The following DRC11 variants were observed in gnomAD, a reference collection of about 807,000 sequenced individuals.
DRC11 encodes IQ and AAA domain-containing protein 1.
At chr2:236,341,216 A>G in the DRC11 span, among the ~76,000 whole-genome samples, 4 of 152,246 alleles carry the variant, frequency 2.6e-5, no homozygotes, top group African/African-American at 9.6e-5. Flanking sequence ...GATGTCAGGG[A>G]GGCGCTTGCT....
the DRC11 span, among the ~76,000 whole-genome samples, chr2:236,476,498 T>A: frequency 6.6e-6 from 1 of 152,194 alleles, no homozygotes; most frequent in Non-Finnish European, 1.5e-5. This position sits in a 1 kb window ranked among gnomAD's most constrained non-coding sequence, Gnocchi z 4.7. Context: ...TAAGATCACA[T>A]CATCTGCAAA....
the DRC11 span, among the ~76,000 whole-genome samples, chr2:236,396,962 G>A: frequency 7.2e-5 from 11 of 152,250 alleles, no homozygotes; most frequent in East Asian, 9.7e-4. Context: ...GGGTGGGCGC[G>A]GGCAGAGGGG....
chr2:236,419,944 G>C, the DRC11 span, among the ~76,000 whole-genome samples: 73 of 152,294 alleles, frequency 4.8e-4, no homozygotes, highest in Non-Finnish European at 8.7e-4. This position sits in a 1 kb window ranked among gnomAD's most constrained non-coding sequence, Gnocchi z 4.8. Flanking sequence ...AATTCCAGGA[G>C]ATATAAAGGT....
At chr2:236,422,376 T>C in the DRC11 span, among the ~76,000 whole-genome samples, 1 of 152,196 alleles carries the variant, frequency 6.6e-6, no homozygotes, top group African/African-American at 2.4e-5. Context: ...ACAAAATCAA[T>C]GTGCAAAAAT....
chr2:236,345,893 T>C, the DRC11 span, among the ~76,000 whole-genome samples: 4 of 152,226 alleles, frequency 2.6e-5, no homozygotes, highest in African/African-American at 7.2e-5. Flanking sequence ...CAGTGAGTGA[T>C]GGAAAAATCG....
chr2:236,346,421 C>T, the DRC11 span, among the ~76,000 whole-genome samples: 1 of 152,212 alleles, frequency 6.6e-6, no homozygotes, highest in Non-Finnish European at 1.5e-5. Context: ...CTGAGGCTTG[C>T]AGACATTAAT....
the DRC11 span, among the ~76,000 whole-genome samples, chr2:236,480,558 C>T: frequency 1.3e-5 from 2 of 152,124 alleles, no homozygotes; most frequent in African/African-American, 4.8e-5. Flanking sequence ...TTACCAGTTC[C>T]AGGATTTGAT....
the DRC11 span, among the ~76,000 whole-genome samples, chr2:236,493,526 A>G: frequency 2.0e-5 from 3 of 152,348 alleles, no homozygotes; most frequent in South Asian, 6.2e-4. Flanking sequence ...ATACTGATTT[A>G]AGTAGCATAT....
the DRC11 span, chr2:236,493,702 TAGG>T: frequency 7.6e-7 from 1 of 1,307,754 alleles, no homozygotes; most frequent in Non-Finnish European, 1.0e-6. Flanking sequence ...CTCACACAAT[TAGG>T]AGCAGCAGAA....
the DRC11 span, chr2:236,338,318 C>T: frequency 5.3e-5 from 85 of 1,613,734 alleles, no homozygotes; most frequent in Non-Finnish European, 6.9e-5. Context: ...AATCAGAATC[C>T]GGTCATCTGG....
chr2:236,486,676 TG>T, the DRC11 span, among the ~76,000 whole-genome samples: 1 of 152,218 alleles, frequency 6.6e-6, no homozygotes, highest in African/African-American at 2.4e-5. The surrounding 1 kb of genome is among the most constrained non-coding windows in gnomAD (Gnocchi z 5.7). Context: ...CAGATCTCCC[TG>T]GGCAGGCTTC....
the DRC11 span, among the ~76,000 whole-genome samples, chr2:236,325,793 G>C: frequency 6.6e-6 from 1 of 152,104 alleles, no homozygotes; most frequent in South Asian, 2.1e-4. This position sits in a 1 kb window ranked among gnomAD's most constrained non-coding sequence, Gnocchi z 4.4. Flanking sequence ...AGTAGAGACG[G>C]GGTTTCACCA....
the DRC11 span, among the ~76,000 whole-genome samples, chr2:236,321,878 AACTTCAC>A: frequency 5.3e-5 from 8 of 152,184 alleles, no homozygotes; most frequent in Admixed American, 5.2e-4. Flanking sequence ...GGTAACCACC[AACTTCAC>A]ACTCATACAA....
the DRC11 span, among the ~76,000 whole-genome samples, chr2:236,320,701 G>T: frequency 5.9e-5 from 9 of 152,126 alleles, no homozygotes; most frequent in Non-Finnish European, 1.2e-4. Context: ...AGGGTTAAAG[G>T]TATTAATTAC....
chr2:236,338,264 A>T, the DRC11 span: 1 of 1,614,044 alleles, frequency 6.2e-7, no homozygotes, highest in Non-Finnish European at 8.5e-7. Flanking sequence ...AACTTTGCAG[A>T]AAGATTGGAG....
the DRC11 span, among the ~76,000 whole-genome samples, chr2:236,341,650 C>A: frequency 6.6e-6 from 1 of 152,142 alleles, no homozygotes; most frequent in Non-Finnish European, 1.5e-5. Context: ...CTCAGAGGGC[C>A]GCAGGGATGC....
chr2:236,492,438 C>T, the DRC11 span, among the ~76,000 whole-genome samples: 1 of 152,206 alleles, frequency 6.6e-6, no homozygotes, highest in Non-Finnish European at 1.5e-5. Flanking sequence ...TCCTGCCATC[C>T]TCAGCATACA....
chr2:236,349,967 T>C, the DRC11 span, among the ~76,000 whole-genome samples: 3 of 152,242 alleles, frequency 2.0e-5, no homozygotes, highest in Non-Finnish European at 4.4e-5. The surrounding 1 kb of genome is among the most constrained non-coding windows in gnomAD (Gnocchi z 5.5). Context: ...GATGTCCACG[T>C]GGCAAGCAAT....
At chr2:236,372,119 C>T in the DRC11 span, among the ~76,000 whole-genome samples, 1 of 152,166 alleles carries the variant, frequency 6.6e-6, no homozygotes, top group Non-Finnish European at 1.5e-5. This position sits in a 1 kb window ranked among gnomAD's most constrained non-coding sequence, Gnocchi z 4.5. Context: ...AGCATTTACC[C>T]CAAGATAACT....
Sources: allele counts gnomAD v4.1 joint callset (sites outside exome capture counted in the v4.1 genomes callset), GRCh38; gene constraint gnomAD v4.1.1; non-coding constraint Gnocchi (gnomAD v3.1); transcripts MANE v1.5; gene names NCBI Gene and HGNC (gene_info 2026-07-23, HGNC 2026-07-21).